Variants in PPFIA2 observed in about 807,000 individuals in gnomAD.
PPFIA2 encodes the protein PPFI scaffold protein A2.
PPFIA2 carries 46 observed loss-of-function variants against 175.5 expected under a neutral mutation model. The observed-to-expected ratio is 0.26, with a 90% CI of 0.21 to 0.34. The LOEUF is 0.34. Ranked by LOEUF, PPFIA2 falls within the 10% of genes least tolerant of loss-of-function variation. The pLI is 1.00. For missense variants in PPFIA2, 1,179 were observed against 1,506.1 expected, an observed-to-expected ratio of 0.78 and a Z score of 3.60; for synonymous variants, 568 against 511.4, an observed-to-expected ratio of 1.11 and a Z score of -1.49.
At chr12:81,530,615 C>T (rs1442864501) in intron 4 of PPFIA2, among the ~76,000 whole-genome samples, 3 of 151,804 alleles carry the variant, frequency 2.0e-5, no homozygotes, top group Admixed American at 2.0e-4. Flanking sequence ...ATGTCCACAG[C>T]TATTCAACTC....
chr12:81,722,269 T>C (rs1222073020), intron 3 of PPFIA2, among the ~76,000 whole-genome samples: 1 of 151,110 alleles, frequency 6.6e-6, no homozygotes, highest in Non-Finnish European at 1.5e-5. Context: ...GTCACATACC[T>C]TGCCATAATA....
At chr12:81,350,183 C>T (rs934685899) in intron 17 of PPFIA2, among the ~76,000 whole-genome samples, 3 of 152,092 alleles carry the variant, frequency 2.0e-5, no homozygotes, top group Admixed American at 1.3e-4. Flanking sequence ...AGAATATAGA[C>T]TTGATTTCAA....
chr12:81,266,967 T>G lies in PPFIA2; in HGVS notation c.3540A>C (p.Glu1180Asp). The G allele has an allele frequency of 1.2e-6, 2 of 1,612,770 alleles. No homozygotes were observed. Among genetic ancestry groups the G allele is most frequent in the Non-Finnish European group, 1.7e-6 (2 of 1,179,026 alleles). Residue 1180 changes from glutamate to aspartate, a missense_variant, in exon 30 of 33, where the codon GAA becomes GAC. Physicochemically the swap from Glu to Asp is conservative, Grantham distance 45. This residue lies in a region of PPFIA2 where 245 missense variants were observed against 375.1 expected (regional missense o/e 0.65). Transcript: ENST00000549396. The part of the protein sequence containing the change: ...EYNNLLALGT[E>D]RRLDESDDKN... ...GTGGACTTACTTCATCCAGTCGCCT[T>G]TCAGTTCCCAGGGCCAAGAGGTTAT...
intron 8 of PPFIA2, among the ~76,000 whole-genome samples, chr12:81,387,391 G>T (rs1358512423): frequency 2.0e-5 from 3 of 152,024 alleles, no homozygotes; most frequent in Non-Finnish European, 4.4e-5. Context: ...ACATAGAGTA[G>T]AATGGACTAT....
chr12:81,627,365 A>G (rs945757051), intron 4 of PPFIA2, among the ~76,000 whole-genome samples: 2 of 152,128 alleles, frequency 1.3e-5, no homozygotes, highest in Non-Finnish European at 2.9e-5. Context: ...TTATCATTAT[A>G]CATTTTATAC....
At chr12:81,314,839 G>A (rs1278675539) in intron 22 of PPFIA2, among the ~76,000 whole-genome samples, 1 of 151,196 alleles carries the variant, frequency 6.6e-6, no homozygotes, top group Admixed American at 6.6e-5. Flanking sequence ...TTAATGGCTG[G>A]TAACTGAAAT....
At chr12:81,310,809 T>C (rs2050580479) in intron 22 of PPFIA2, among the ~76,000 whole-genome samples, 1 of 152,110 alleles carries the variant, frequency 6.6e-6, no homozygotes, top group Non-Finnish European at 1.5e-5. Context: ...AAGCAAATAA[T>C]ACATCACCAA....
chr12:81,608,826 T>C (rs1017764656), intron 4 of PPFIA2, among the ~76,000 whole-genome samples: 2 of 151,970 alleles, frequency 1.3e-5, no homozygotes, highest in African/African-American at 4.8e-5. Context: ...TTATGTCTGC[T>C]AGTTTTGGGG....
At chr12:81,697,148 T>C (rs1160408705) in intron 3 of PPFIA2, among the ~76,000 whole-genome samples, 8 of 152,128 alleles carry the variant, frequency 5.3e-5, no homozygotes. Flanking sequence ...GTTTAAAATG[T>C]ATAATGAATT....
intron 2 of PPFIA2, among the ~76,000 whole-genome samples, chr12:81,755,874 AC>A (rs1280781003): frequency 2.0e-5 from 3 of 152,146 alleles, no homozygotes; most frequent in Non-Finnish European, 4.4e-5. Flanking sequence ...ACACCCTGAT[AC>A]CCACACTTGA....
intron 4 of PPFIA2, among the ~76,000 whole-genome samples, chr12:81,560,273 TGA>T (rs963019838): frequency 2.0e-5 from 3 of 150,838 alleles, no homozygotes; most frequent in Non-Finnish European, 3.0e-5. Context: ...TGTGTGTGTG[TGA>T]GAGAGAGAGA....
At chr12:81,293,193 A>C (rs1057276293) in intron 24 of PPFIA2, among the ~76,000 whole-genome samples, 2 of 152,090 alleles carry the variant, frequency 1.3e-5, no homozygotes, top group Non-Finnish European at 2.9e-5. Flanking sequence ...GATTTGGGAA[A>C]TCTAGTAATT....
intron 3 of PPFIA2, among the ~76,000 whole-genome samples, chr12:81,734,466 A>C (rs1020504989): frequency 1.3e-5 from 2 of 151,818 alleles, no homozygotes; most frequent in Non-Finnish European, 2.9e-5. Flanking sequence ...AGGCTTGAAG[A>C]CATAATAAGA....
intron 7 of PPFIA2, among the ~76,000 whole-genome samples, chr12:81,439,359 A>C (rs866369329): frequency 6.6e-6 from 1 of 151,602 alleles, no homozygotes; most frequent in Non-Finnish European, 1.5e-5. Flanking sequence ...ATACATGTAT[A>C]TATAAACAAA....
intron 4 of PPFIA2, among the ~76,000 whole-genome samples, chr12:81,626,254 T>G (rs1371571992): frequency 6.6e-6 from 1 of 151,868 alleles, no homozygotes; most frequent in Non-Finnish European, 1.5e-5. Context: ...CTATCTAAAA[T>G]AATAACTTTC....
chr12:81,511,587 T>A (rs2061802965), intron 4 of PPFIA2, among the ~76,000 whole-genome samples: 2 of 152,032 alleles, frequency 1.3e-5, no homozygotes. Flanking sequence ...ATCAAGCTAT[T>A]TCCTCTATAC....
chr12:81,565,823 A>C (rs1191585624), intron 4 of PPFIA2, among the ~76,000 whole-genome samples: 1 of 152,200 alleles, frequency 6.6e-6, no homozygotes, highest in East Asian at 1.9e-4. Flanking sequence ...TCTGCCCCCC[A>C]AAAATGTCAT....
rs78014058 is a variant in PPFIA2 at position 81,328,396 on chromosome 12, T to C, written c.2549-2526A>G. Among the ~76,000 whole-genome samples, 1,383 of 152,302 alleles carry C rather than the reference T, an allele frequency of 9.1e-3. 27 individuals carry two copies. Among genetic ancestry groups the C allele is most frequent in the African/African-American group, 0.031 (1,295 of 41,576 alleles). ...CAGATGATGTATTGTAAGTGTAAAA[T>C]ACACACCAGGTTTTGAAAACGTGGT... On this transcript the variant is annotated intron_variant, in intron 21 of 32. Transcript: ENST00000549396.
At chr12:81,473,370 T>G (rs551587232) in intron 4 of PPFIA2, among the ~76,000 whole-genome samples, 7 of 152,070 alleles carry the variant, frequency 4.6e-5, no homozygotes, top group Admixed American at 2.0e-4. Context: ...GATTGAGCCA[T>G]TGCACTCTAG....
Sources: allele counts gnomAD v4.1 joint callset (sites outside exome capture counted in the v4.1 genomes callset), GRCh38; gene constraint gnomAD v4.1.1; regional missense constraint gnomAD v4.1.1; transcripts MANE v1.5; gene names NCBI Gene and HGNC (gene_info 2026-07-23, HGNC 2026-07-21).